Variants in DNM2 observed in about 807,000 individuals in gnomAD.
DNM2 encodes the protein dynamin-2.
A neutral mutation model predicts 99.0 loss-of-function variants in DNM2; 15 were observed. The observed-to-expected ratio is 0.15, with a 90% CI of 0.10 to 0.23. DNM2 has a LOEUF of 0.23. Among genes scored for constraint, DNM2 ranks in the 10% least tolerant of loss-of-function variants. The pLI is 1.00. For synonymous variants in DNM2, 525 were observed against 481.2 expected (o/e 1.09, Z -1.19); for missense variants, 742 against 1,189.4 (o/e 0.62, Z 5.53).
intron 16 of DNM2, among the ~76,000 whole-genome samples, chr19:10,822,622 C>G (rs1190705375): frequency 2.0e-5 from 3 of 152,084 alleles, no homozygotes; most frequent in Non-Finnish European, 4.4e-5. Context: ...CCTCAGCCTC[C>G]CGAGTAGCTG....
At chr19:10,724,159 AG>A (rs2069034171) in intron 1 of DNM2, among the ~76,000 whole-genome samples, 1 of 151,166 alleles carries the variant, frequency 6.6e-6, no homozygotes, top group Non-Finnish European at 1.5e-5. Context: ...TCACAGTTGG[AG>A]GGGGTACATT....
Position 10,795,528 on chromosome 19 carries a change from T to C in DNM2, c.1196+89T>C, listed in dbSNP as rs2071901106. On this transcript the variant is annotated intron_variant, in intron 9 of 20. Coordinates refer to ENST00000389253, the MANE Select transcript of DNM2 (RefSeq NM_001005361.3). This position sits in a 1 kb window ranked among gnomAD's most constrained non-coding sequence, Gnocchi z 4.2. ...TGGGTCACCCACACCTCTGAGTCCC[T>C]AATCGTTAGGCCTTAAGAGGGCTCT... 1 of 1,468,506 alleles carries C rather than the reference T, an allele frequency of 6.8e-7. No individual in the cohort carries two copies. Among genetic ancestry groups the C allele is most frequent in the Admixed American group, 1.7e-5 (1 of 59,462 alleles). 91.0% of individuals were successfully genotyped at this position (1,468,506 alleles called of 1,614,324 possible). A position where few individuals can be genotyped will look rare whatever the true frequency, so the allele number is the denominator to read the frequency against.
intron 13 of DNM2, among the ~76,000 whole-genome samples, chr19:10,807,276 C>G (rs949461105): frequency 1.3e-5 from 2 of 151,890 alleles, no homozygotes; most frequent in Non-Finnish European, 2.9e-5. Context: ...GAGCCTTGCT[C>G]TGTGTCCCAG....
At chr19:10,778,611 T>C (rs2071238024) in intron 5 of DNM2, among the ~76,000 whole-genome samples, 1 of 151,980 alleles carries the variant, frequency 6.6e-6, no homozygotes, top group Non-Finnish European at 1.5e-5. Context: ...ATGATCACAC[T>C]ACTACACTCT....
chr19:10,733,326 G>A (rs1473189383), intron 1 of DNM2, among the ~76,000 whole-genome samples: 1 of 151,372 alleles, frequency 6.6e-6, no homozygotes, highest in African/African-American at 2.4e-5. Flanking sequence ...CAACTAGCTG[G>A]GACCACAGGC....
At chr19:10,736,526 A>G (rs1453063186) in intron 1 of DNM2, among the ~76,000 whole-genome samples, 1 of 152,158 alleles carries the variant, frequency 6.6e-6, no homozygotes, top group Non-Finnish European at 1.5e-5. Context: ...CTCCACATAT[A>G]TATTTTAGAA....
chr19:10,786,538 T>C (rs1178992870), intron 6 of DNM2, 26 bp from the exon 7 acceptor site: 1 of 1,613,874 alleles, frequency 6.2e-7, no homozygotes, highest in South Asian at 1.1e-5. Context: ...TGCCACCCTT[T>C]CTGATCTCTG....
At chr19:10,719,987 G>C (rs138643121) in intron 1 of DNM2, among the ~76,000 whole-genome samples, 6 of 152,038 alleles carry the variant, frequency 3.9e-5, no homozygotes, top group African/African-American at 1.4e-4. Flanking sequence ...TGGTGGAAAG[G>C]TGTGGACTTG....
In DNM2 at chr19:10,812,510, C is replaced by T. The variant is rs867402399; in HGVS notation, c.1671+133C>T. On this transcript the variant is annotated intron_variant, in intron 15 of 20. Transcript: ENST00000389253. This position sits in a 1 kb window ranked among gnomAD's most constrained non-coding sequence, Gnocchi z 4.0. Reference sequence around the variant, plus strand: ...AGTCACCATTAGGACTGTAACTCGCCGGGCACGGTGGCTCCCGCCTGTAAT... The same window carrying T: ...AGTCACCATTAGGACTGTAACTCGCTGGGCACGGTGGCTCCCGCCTGTAAT... The T allele has an allele frequency of 1.5e-4, 104 of 683,978 alleles. No homozygotes were observed. The highest frequency in any genetic ancestry group is 8.6e-4 in the Middle Eastern group (2 of 2,338). The allele number at this position is 683,978 out of a possible 1,614,324, so 42.4% of individuals were successfully genotyped here.
At chr19:10,777,792 A>G (rs1398049934) in intron 5 of DNM2, among the ~76,000 whole-genome samples, 1 of 151,904 alleles carries the variant, frequency 6.6e-6, no homozygotes, top group East Asian at 1.9e-4. Context: ...ACGGGGTTTC[A>G]CTGTGTTGGC....
intron 8 of DNM2, among the ~76,000 whole-genome samples, chr19:10,794,441 A>G (rs2071863483): frequency 6.6e-6 from 1 of 151,874 alleles, no homozygotes; most frequent in Non-Finnish European, 1.5e-5. Flanking sequence ...AAAAAAACAA[A>G]CAGTTTTTTA....
At position 10,777,109 on chromosome 19, in the gene DNM2, C is replaced by A; in HGVS notation, c.590-9C>A. The A allele has an allele frequency of 6.2e-7, 1 of 1,614,134 alleles. No individual in the cohort carries two copies. The highest frequency in any genetic ancestry group is 8.5e-7 in the Non-Finnish European group (1 of 1,179,986). On this transcript the variant is annotated splice_polypyrimidine_tract_variant and intron_variant, in intron 4 of 20. Transcript: ENST00000389253. Reference sequence around the variant, plus strand: ...CAGCCTCTGACCTCTGACCTCTGGGCTCTTTCAGGCCTACGGACCATCGGT... The same window carrying A: ...CAGCCTCTGACCTCTGACCTCTGGGATCTTTCAGGCCTACGGACCATCGGT...
intron 1 of DNM2, among the ~76,000 whole-genome samples, chr19:10,747,696 G>T (rs1215593902): frequency 6.6e-6 from 1 of 152,234 alleles, no homozygotes; most frequent in Non-Finnish European, 1.5e-5. Context: ...AGAAGGGGCC[G>T]ATACGGGACC....
intron 15 of DNM2, among the ~76,000 whole-genome samples, chr19:10,813,838 A>AAG (rs1555714065): frequency 1.3e-5 from 2 of 150,740 alleles, no homozygotes; most frequent in African/African-American, 2.4e-5. Flanking sequence ...AAAAAAAAAA[A>AAG]AAGAAGAAGA....
intron 5 of DNM2, among the ~76,000 whole-genome samples, chr19:10,780,055 G>A (rs2071309044): frequency 6.6e-6 from 1 of 152,098 alleles, no homozygotes; most frequent in Non-Finnish European, 1.5e-5. Context: ...GTCATTTAGA[G>A]CATTTCTTTT....
At chr19:10,789,196 TCAAA>T (rs752544421) in intron 7 of DNM2, among the ~76,000 whole-genome samples, 16 of 152,036 alleles carry the variant, frequency 1.1e-4, no homozygotes, top group African/African-American at 3.4e-4. Flanking sequence ...AGACTCTGTC[TCAAA>T]CAAACAAAGA....
chr19:10,718,261 G>C lies in DNM2; in HGVS notation c.19G>C (p.Glu7Gln), dbSNP rs1008731390. MGNRGMEELIPLVNKLQ... is the reference protein window; with the variant it reads MGNRGMQELIPLVNKLQ... ...CGGCGCCATGGGCAACCGCGGGATGGAAGAGCTGATCCCGCTGGTCAACAA... is the reference window on the plus strand; with the variant it reads ...CGGCGCCATGGGCAACCGCGGGATGCAAGAGCTGATCCCGCTGGTCAACAA... The change falls in exon 1 of 21, where the codon GAA (glutamate) becomes CAA (glutamine). Residue 7 changes from glutamate (E) to glutamine (Q), a missense_variant. Coordinates refer to ENST00000389253, the MANE Select transcript of DNM2 (RefSeq NM_001005361.3). The C allele has an allele frequency of 1.3e-6, 2 of 1,488,066 alleles. No individual in the cohort carries two copies. The highest frequency in any genetic ancestry group is 1.5e-5 in the African/African-American group (1 of 68,600). 92.2% of individuals were successfully genotyped at this position (1,488,066 alleles called of 1,614,324 possible).
chr19:10,755,975 G>A (rs1368329313), intron 1 of DNM2, among the ~76,000 whole-genome samples: 2 of 152,136 alleles, frequency 1.3e-5, no homozygotes, highest in South Asian at 2.1e-4. Flanking sequence ...GAGACACTGC[G>A]TCTCTGATGT....
intron 1 of DNM2, among the ~76,000 whole-genome samples, chr19:10,751,927 G>A (rs1372360090): frequency 6.6e-6 from 1 of 152,254 alleles, no homozygotes; most frequent in Non-Finnish European, 1.5e-5. Flanking sequence ...CGCCATGAGA[G>A]CACACCTGAA....
Sources: allele counts gnomAD v4.1 joint callset (sites outside exome capture counted in the v4.1 genomes callset), GRCh38; gene constraint gnomAD v4.1.1; non-coding constraint Gnocchi (gnomAD v3.1); transcripts MANE v1.5; gene names NCBI Gene and HGNC (gene_info 2026-07-23, HGNC 2026-07-21).